PACRG: variants seen among roughly 807,000 people sequenced by gnomAD.
PACRG encodes parkin coregulated gene protein.
In PACRG, 29 loss-of-function variants were observed where a neutral mutation model predicts 29.7. The ratio of observed to expected loss-of-function variants is 0.98; its 90% CI spans 0.73 to 1.33. The LOEUF (loss-of-function observed/expected upper bound fraction) is 1.33. Among genes scored for constraint, PACRG ranks in the 40% most tolerant of loss-of-function variants. The pLI, the probability that PACRG is intolerant of heterozygous loss-of-function variation, is 0.00. For synonymous variants in PACRG, 116 were observed against 118.7 expected (o/e 0.98, Z 0.15); for missense variants, 279 against 316.2 (o/e 0.88, Z 0.89).
intron 4 of PACRG, among the ~76,000 whole-genome samples, chr6:163,271,032 G>A (rs1443718152): frequency 4.6e-5 from 7 of 152,072 alleles, no homozygotes; most frequent in South Asian, 2.1e-4. Context: ...AAGCCAGTTC[G>A]AGTCCCAAAA....
intron 2 of PACRG, among the ~76,000 whole-genome samples, chr6:162,841,275 CT>C (rs1194526345): frequency 6.9e-6 from 1 of 144,226 alleles, no homozygotes; most frequent in Non-Finnish European, 1.5e-5. Context: ...ATTTCAGCTC[CT>C]GTTATTGGTC....
chr6:163,144,249 AG>A lies in PACRG; in HGVS notation c.613+54844del, dbSNP rs71008139. ...GTCTCAAAACAAAAAAAAAAAAAAA[AG>A]GGAAAAGTAGTTTTTAAATCTTTTG... On this transcript the variant is annotated intron_variant, in intron 4 of 4. Coordinates refer to ENST00000366888, the MANE Select transcript of PACRG (RefSeq NM_001080379.2). 1.6e-3 allele frequency among the ~76,000 whole-genome samples: 227 copies of A among 143,514 alleles called. 5 individuals carry two copies. The highest frequency in any genetic ancestry group is 2.5e-3 in the Non-Finnish European group (167 of 67,266). The allele number at this position is 143,514 out of a possible 152,430, so 94.2% of individuals were successfully genotyped here.
rs1253839933 is a variant in PACRG, at chr6:163,144,343, TACATAC to T, written c.613+54939_613+54944del. On this transcript the variant is annotated intron_variant, in intron 4 of 4. Coordinates refer to ENST00000366888, the MANE Select transcript of PACRG (RefSeq NM_001080379.2). ...GAAAAGCAACACACATACACACACATACATACACACACACACACACACACACAGTTA... is the reference window on the plus strand; with the variant it reads ...GAAAAGCAACACACATACACACACATACACACACACACACACACACAGTTA... 6.6e-4 allele frequency among the ~76,000 whole-genome samples: 90 copies of T among 137,304 alleles called. 1 individual carries two copies. The highest frequency in any genetic ancestry group is 1.7e-3 in the Admixed American group (25 of 14,568). 90.1% of individuals were successfully genotyped at this position (137,304 alleles called of 152,430 possible).
chr6:162,727,658 G>A (rs749081702), upstream of PACRG: 125 of 1,585,338 alleles, frequency 7.9e-5, no homozygotes, highest in South Asian at 1.3e-3. Context: ...AGGTACCCAC[G>A]TACCTATCAT....
chr6:162,778,610 C>T (rs751034433), intron 1 of PACRG, among the ~76,000 whole-genome samples: 8 of 152,128 alleles, frequency 5.3e-5, no homozygotes, highest in Non-Finnish European at 1.2e-4. Flanking sequence ...AAGATGAAGT[C>T]CCTGGTGAAA....
chr6:163,283,670 G>A (rs1230194053), intron 4 of PACRG, among the ~76,000 whole-genome samples: 5 of 151,516 alleles, frequency 3.3e-5, no homozygotes, highest in Admixed American at 6.6e-5. Flanking sequence ...GCGCGGTGGC[G>A]GGCGCCTGTA....
chr6:162,831,137 G>A (rs1317152352), intron 2 of PACRG, among the ~76,000 whole-genome samples: 1 of 152,088 alleles, frequency 6.6e-6, no homozygotes, highest in South Asian at 2.1e-4. Flanking sequence ...TTTGGAGCAC[G>A]GAGGCAGGCA....
Position 162,759,313 on chromosome 6 carries a change from G to A in PACRG, c.156+30922G>A, listed in dbSNP as rs182134778. On this transcript the variant is annotated intron_variant, in intron 1 of 4. Coordinates refer to ENST00000366888, the MANE Select transcript of PACRG (RefSeq NM_001080379.2). ...TTGTCTTCTGATGAGTGTGGGTATT[G>A]GGCTAGAATTTTGGCATCTGAAAGT... 2.0e-5 allele frequency among the ~76,000 whole-genome samples: 3 copies of A among 152,238 alleles called. No homozygotes were observed. The East Asian group carries it at 5.8e-4, about 29-fold the overall frequency.
intron 1 of PACRG, among the ~76,000 whole-genome samples, chr6:162,808,499 G>A (rs1786553727): frequency 6.6e-6 from 1 of 152,114 alleles, no homozygotes; most frequent in Non-Finnish European, 1.5e-5. Flanking sequence ...ACTATATGAT[G>A]AAGACTTCAA....
intron 2 of PACRG, among the ~76,000 whole-genome samples, chr6:162,987,657 G>A (rs1171671447): frequency 1.3e-5 from 2 of 152,140 alleles, no homozygotes; most frequent in Non-Finnish European, 2.9e-5. Flanking sequence ...GGAACTATGA[G>A]TCCATTAAAC....
chr6:163,160,804 G>A (rs965512296), intron 4 of PACRG, among the ~76,000 whole-genome samples: 1 of 152,122 alleles, frequency 6.6e-6, no homozygotes, highest in Non-Finnish European at 1.5e-5. Context: ...CCTTGAATAT[G>A]CTTAAGGGAA....
At chr6:162,772,201 C>T (rs958752254) in intron 1 of PACRG, among the ~76,000 whole-genome samples, 1 of 152,110 alleles carries the variant, frequency 6.6e-6, no homozygotes, top group African/African-American at 2.4e-5. Flanking sequence ...GGATTTGTTT[C>T]CAGTCCATCA....
chr6:162,791,039 C>T (rs1784892615), intron 1 of PACRG, among the ~76,000 whole-genome samples: 2 of 152,174 alleles, frequency 1.3e-5, no homozygotes, highest in South Asian at 4.1e-4. Flanking sequence ...AAAGATATTT[C>T]TAGCCAGTTG....
chr6:163,149,726 A>G (rs1777995952), intron 4 of PACRG, among the ~76,000 whole-genome samples: 1 of 151,950 alleles, frequency 6.6e-6, no homozygotes. Flanking sequence ...GAGCTCCAGA[A>G]GCTGTCTCCC....
At position 162,792,101 on chromosome 6, in the gene PACRG, T is replaced by G. The variant is rs149456487; in HGVS notation, c.157-22046T>G. On this transcript the variant is annotated intron_variant, in intron 1 of 4. Coordinates refer to ENST00000366888, the MANE Select transcript of PACRG (RefSeq NM_001080379.2). ...TGTGTGCATGGCCAATTGAATGGAG[T>G]AGAGAAGTGTGGTGAAATCGCTTGT... Among the ~76,000 whole-genome samples, 745 of 151,620 alleles carry G rather than the reference T, an allele frequency of 4.9e-3. 5 individuals carry two copies. Among genetic ancestry groups the G allele is most frequent in the African/African-American group, 0.014 (572 of 41,296 alleles).
At chr6:163,213,861 ACATTGGTTTAAATAATGAG>A (rs141938545) in intron 4 of PACRG, among the ~76,000 whole-genome samples, 31,979 of 152,142 alleles carry the variant, frequency 0.21, 3,598 homozygotes, top group Middle Eastern at 0.28. Flanking sequence ...ACTGAAATTT[ACATTGGTTTAAATAATGAG>A]ATAAAGATCT....
chr6:163,176,451 C>A (rs1779361511), intron 4 of PACRG, among the ~76,000 whole-genome samples: 1 of 152,146 alleles, frequency 6.6e-6, no homozygotes, highest in Non-Finnish European at 1.5e-5. Flanking sequence ...CCCCGTTATG[C>A]CCTTGACTCT....
intron 2 of PACRG, among the ~76,000 whole-genome samples, chr6:163,059,033 C>T (rs1431333887): frequency 1.3e-5 from 2 of 151,132 alleles, no homozygotes; most frequent in South Asian, 2.1e-4. Flanking sequence ...GAGCCGAGAT[C>T]GCACCACTGC....
intron 2 of PACRG, among the ~76,000 whole-genome samples, chr6:162,962,197 C>T (rs1018484724): frequency 6.6e-5 from 10 of 152,122 alleles, no homozygotes; most frequent in Admixed American, 5.2e-4. Flanking sequence ...GCCTCTGTAC[C>T]AGGTTAGGGA....
Sources: allele counts gnomAD v4.1 joint callset (sites outside exome capture counted in the v4.1 genomes callset), GRCh38; gene constraint gnomAD v4.1.1; transcripts MANE v1.5; gene names NCBI Gene and HGNC (gene_info 2026-07-23, HGNC 2026-07-21).